Variants in RALGPS1 observed in about 807,000 individuals in gnomAD.
RALGPS1 encodes the protein Ral GEF with PH domain and SH3 binding motif 1.
A neutral mutation model predicts 78.8 loss-of-function variants in RALGPS1; 19 were observed. The observed-to-expected ratio is 0.24, with a 90% CI of 0.17 to 0.35. The LOEUF (loss-of-function observed/expected upper bound fraction) is 0.35, where lower values mean the gene tolerates loss of function less well. Ranked by LOEUF, RALGPS1 falls within the 10% of genes least tolerant of loss-of-function variation. RALGPS1 has a pLI of 1.00. For missense variants in RALGPS1, 454 were observed against 688.3 expected (o/e 0.66, Z 3.81); for synonymous variants, 228 against 256.3 (o/e 0.89, Z 1.06).
At chr9:127,190,603 A>T (rs576659213) in intron 11 of RALGPS1, among the ~76,000 whole-genome samples, 1 of 152,232 alleles carries the variant, frequency 6.6e-6, no homozygotes, top group East Asian at 1.9e-4. Context: ...CTCTTTGTAG[A>T]ATTTGTTGTA....
At chr9:126,935,061 C>T (rs2036135082) in intron 1 of RALGPS1, among the ~76,000 whole-genome samples, 2 of 152,320 alleles carry the variant, frequency 1.3e-5, no homozygotes, top group East Asian at 1.9e-4. Flanking sequence ...TGAGATTCTG[C>T]CCACCTCATT....
intron 1 of RALGPS1, among the ~76,000 whole-genome samples, chr9:126,958,179 A>ATG (rs1564307384): frequency 6.9e-6 from 1 of 144,586 alleles, no homozygotes; most frequent in Non-Finnish European, 1.5e-5. Context: ...ACACACATAT[A>ATG]TGTGTATATA....
chr9:127,160,468 CAT>C (rs2058958118), intron 8 of RALGPS1, among the ~76,000 whole-genome samples: 2 of 152,352 alleles, frequency 1.3e-5, no homozygotes, highest in South Asian at 2.1e-4. Flanking sequence ...GGTTGGCACT[CAT>C]GTGGCAGCTA....
intron 1 of RALGPS1, among the ~76,000 whole-genome samples, chr9:126,928,011 G>C (rs1162046344): frequency 3.9e-5 from 6 of 152,186 alleles, no homozygotes; most frequent in Non-Finnish European, 8.8e-5. Context: ...CTGAGAGTTA[G>C]AGTACTTGGG....
chr9:127,215,025 C>G (rs1251221433), intron 18 of RALGPS1, among the ~76,000 whole-genome samples, 183 bp downstream of exon 18: 4 of 152,208 alleles, frequency 2.6e-5, no homozygotes, highest in African/African-American at 9.7e-5. Flanking sequence ...TAGAACTAAG[C>G]CCAGCTCCAG....
At chr9:126,987,707 T>A (rs1174354023) in intron 4 of RALGPS1, among the ~76,000 whole-genome samples, 1 of 152,168 alleles carries the variant, frequency 6.6e-6, no homozygotes, top group East Asian at 1.9e-4. Context: ...CCTGCCAACA[T>A]TGTTCCATCC....
intron 3 of RALGPS1, among the ~76,000 whole-genome samples, chr9:126,968,261 A>G (rs1204230481): frequency 6.6e-6 from 1 of 152,158 alleles, no homozygotes; most frequent in Non-Finnish European, 1.5e-5. Flanking sequence ...TCGGCCTCCC[A>G]TAGTGCTGGT....
chr9:127,074,728 G>A (rs1205865986), intron 8 of RALGPS1, among the ~76,000 whole-genome samples: 1 of 152,244 alleles, frequency 6.6e-6, no homozygotes, highest in East Asian at 1.9e-4. Context: ...GAATAAGCAG[G>A]CAGTGAGAGG....
intron 1 of RALGPS1, among the ~76,000 whole-genome samples, chr9:126,939,085 G>T (rs539244576): frequency 3.3e-5 from 5 of 152,192 alleles, no homozygotes; most frequent in African/African-American, 4.8e-5. Context: ...AGTGGGAGAG[G>T]GGGGCAGAGG....
At position 127,212,903 on chromosome 9, in the gene RALGPS1, G is replaced by C. The variant is rs781528806; in HGVS notation, c.1447-41G>C. ...GTCGGCCTCCCTTGTGGAGTGGAGGGCTGGGCCCCGGTCTCCGGATGTGTT... is the reference window on the plus strand; with the variant it reads ...GTCGGCCTCCCTTGTGGAGTGGAGGCCTGGGCCCCGGTCTCCGGATGTGTT... On this transcript the variant is annotated intron_variant, in intron 16 of 18. Coordinates refer to ENST00000259351, the MANE Select transcript of RALGPS1 (RefSeq NM_014636.3). This position sits in a 1 kb window ranked among gnomAD's most constrained non-coding sequence, Gnocchi z 6.0. The C allele has an allele frequency of 6.2e-7, 1 of 1,613,456 alleles. No homozygotes were observed. Among genetic ancestry groups the C allele is most frequent in the Non-Finnish European group, 8.5e-7 (1 of 1,179,722 alleles).
chr9:127,180,903 G>T (rs953078746), intron 11 of RALGPS1, among the ~76,000 whole-genome samples: 1 of 152,240 alleles, frequency 6.6e-6, no homozygotes. Context: ...CAAGCGGGGG[G>T]CGCAGAACAC....
chr9:127,078,585 A>G (rs2050889434), intron 8 of RALGPS1, among the ~76,000 whole-genome samples: 1 of 152,202 alleles, frequency 6.6e-6, no homozygotes, highest in Non-Finnish European at 1.5e-5. Flanking sequence ...AAGGAGCACT[A>G]GGTGGAAAGT....
chr9:126,961,850 AC>A (rs1218823715), intron 1 of RALGPS1, among the ~76,000 whole-genome samples: 10 of 152,122 alleles, frequency 6.6e-5, no homozygotes, highest in African/African-American at 2.2e-4. Flanking sequence ...CCAGGCACGC[AC>A]TGAAATGGTC....
rs894570351 is a variant in RALGPS1 at position 127,009,771 on chromosome 9, T to C, written c.217-24660T>C. Among the ~76,000 whole-genome samples the C allele has an allele frequency of 2.0e-5, 3 of 152,124 alleles. No individual in the cohort carries two copies. In the East Asian group the frequency reaches 5.8e-4, roughly 29 times the overall value. ...TCTACTTTATGCCTTGGAAAAAATG[T>C]CCCCAGCATACCTGTGAGATAGAGT... On this transcript the variant is annotated intron_variant, in intron 4 of 18. Coordinates refer to ENST00000259351, the MANE Select transcript of RALGPS1 (RefSeq NM_014636.3).
intron 4 of RALGPS1, among the ~76,000 whole-genome samples, chr9:127,026,019 G>C (rs1474588158): frequency 6.6e-6 from 1 of 152,012 alleles, no homozygotes; most frequent in Non-Finnish European, 1.5e-5. Context: ...GTGTATTAGG[G>C]TTCTCTAGAG....
chr9:127,049,875 G>A (rs2135322548), intron 5 of RALGPS1, among the ~76,000 whole-genome samples, 168 bp from the exon 6 acceptor site: 1 of 152,330 alleles, frequency 6.6e-6, no homozygotes, highest in South Asian at 2.1e-4. Context: ...GCAGGGTTGG[G>A]TGCTGTAGAG....
intron 8 of RALGPS1, chr9:127,069,852 C>T (rs922033209): frequency 6.6e-6 from 1 of 152,282 alleles, no homozygotes; most frequent in Non-Finnish European, 1.5e-5. Context: ...AAGATATTTG[C>T]TTCATATCTT....
At chr9:127,051,645 G>C (rs187190579) in intron 6 of RALGPS1, among the ~76,000 whole-genome samples, 12 of 152,346 alleles carry the variant, frequency 7.9e-5, no homozygotes, top group African/African-American at 2.4e-4. Flanking sequence ...CATGTGGTGA[G>C]AGAGAAATTT....
chr9:126,962,381 AG>A, intron 2 of RALGPS1, 35 bp downstream of exon 2: 1 of 1,610,594 alleles, frequency 6.2e-7, no homozygotes, highest in East Asian at 2.2e-5. Context: ...CAGTGGGTAG[AG>A]GGGTCTCCTT....
Sources: gnomAD v4.1 joint callset for allele counts (sites outside exome capture counted in the v4.1 genomes callset) on GRCh38, gnomAD v4.1.1 for gene constraint, Gnocchi (gnomAD v3.1) non-coding constraint, MANE v1.5 for transcripts, NCBI Gene and HGNC (gene_info 2026-07-23, HGNC 2026-07-21) for gene names.